The following CSNK1G1 variants were observed in gnomAD, a reference collection of about 807,000 sequenced individuals.
CSNK1G1 encodes casein kinase I isoform gamma-1.
CSNK1G1 carries 22 observed loss-of-function variants against 59.6 expected under a neutral mutation model. That is an observed-to-expected ratio of 0.37 (90% CI 0.26 to 0.53). The LOEUF is 0.53. Among genes scored for constraint, CSNK1G1 ranks in the 20% least tolerant of loss-of-function variants. The pLI is 0.89. For missense variants in CSNK1G1, 384 were observed against 519.5 expected (o/e 0.74, Z 2.54); for synonymous variants, 179 against 177.1 (o/e 1.01, Z -0.08).
intron 2 of CSNK1G1, among the ~76,000 whole-genome samples, chr15:64,266,847 A>G (rs1893014936): frequency 6.6e-6 from 1 of 152,212 alleles, no homozygotes; most frequent in Admixed American, 6.5e-5. Context: ...CTCTCACCTT[A>G]TGCAAAAATC....
intron 4 of CSNK1G1, among the ~76,000 whole-genome samples, chr15:64,229,902 A>ATTTTTT (rs533868270): frequency 0.026 from 1,130 of 43,756 alleles, 346 homozygotes; most frequent in East Asian, 0.064. Flanking sequence ...ATGTTTGTAA[A>ATTTTTT]TTTTTTTTTT....
rs10631811 is a variant in CSNK1G1, at chr15:64,193,491, C to CAA, written c.1107+9589_1107+9590dup. On this transcript the variant is annotated intron_variant, in intron 10 of 11. Transcript: ENST00000303052. ...TGGGCAACAGAGTGAGACTCTGTCT[C>CAA]AAAAAAAAAAAAGTATATACTTGAA... Among the ~76,000 whole-genome samples the CAA allele has an allele frequency of 5.3e-5, 7 of 131,960 alleles. 1 individual carries two copies. Among genetic ancestry groups the CAA allele is most frequent in the Admixed American group, 7.6e-5 (1 of 13,164 alleles). The allele number at this position is 131,960 out of a possible 152,430, so 86.6% of individuals were successfully genotyped here. A position where few individuals can be genotyped will look rare whatever the true frequency, so the allele number is the denominator to read the frequency against.
chr15:64,353,462 T>G (rs2016316), intron 1 of CSNK1G1, among the ~76,000 whole-genome samples: 1 of 151,940 alleles, frequency 6.6e-6, no homozygotes, highest in Admixed American at 6.6e-5. Context: ...CTGGCTAACA[T>G]GATGACACTT....
At chr15:64,305,721 C>A (rs796836278) in intron 1 of CSNK1G1, among the ~76,000 whole-genome samples, 2,000 of 103,710 alleles carry the variant, frequency 0.019, 28 homozygotes, top group African/African-American at 0.061. Context: ...AAAACAAAAA[C>A]AAAAAAAAAA....
chr15:64,226,534 G>A (rs1411150559), intron 4 of CSNK1G1, among the ~76,000 whole-genome samples: 1 of 150,004 alleles, frequency 6.7e-6, no homozygotes, highest in Non-Finnish European at 1.5e-5. Flanking sequence ...CCAGCCCAGT[G>A]ACAGAGCAAG....
At chr15:64,339,803 G>C (rs1897594598) in intron 1 of CSNK1G1, among the ~76,000 whole-genome samples, 1 of 152,186 alleles carries the variant, frequency 6.6e-6, no homozygotes, top group Non-Finnish European at 1.5e-5. Context: ...ATCAAGAGGA[G>C]TGACTGACAG....
At chr15:64,289,179 CAAA>C (rs111427455) in intron 2 of CSNK1G1, among the ~76,000 whole-genome samples, 3 of 109,016 alleles carry the variant, frequency 2.8e-5, no homozygotes, top group Admixed American at 1.0e-4. Flanking sequence ...GACTCTGTAT[CAAA>C]AAAAAAAAAA....
intron 4 of CSNK1G1, among the ~76,000 whole-genome samples, chr15:64,248,860 C>T (rs548765363): frequency 6.7e-6 from 1 of 149,452 alleles, no homozygotes; most frequent in South Asian, 2.1e-4. Context: ...GTGGCTCACG[C>T]CTGTAATCCC....
At chr15:64,239,956 G>A (rs1033426944) in intron 4 of CSNK1G1, among the ~76,000 whole-genome samples, 15 of 152,166 alleles carry the variant, frequency 9.9e-5, no homozygotes, top group African/African-American at 3.6e-4. Flanking sequence ...AAAATAAGGC[G>A]GGAGCAATGT....
At chr15:64,281,442 TAAAAATAAA>T (rs1894127933) in intron 2 of CSNK1G1, among the ~76,000 whole-genome samples, 2 of 151,862 alleles carry the variant, frequency 1.3e-5, no homozygotes, top group African/African-American at 4.8e-5. Flanking sequence ...TCCATCTCTA[TAAAAATAAA>T]AAAAATAAAA....
intron 2 of CSNK1G1, among the ~76,000 whole-genome samples, chr15:64,299,075 A>G (rs922138057): frequency 4.0e-5 from 6 of 151,728 alleles, no homozygotes; most frequent in African/African-American, 1.5e-4. Context: ...AACAAACATA[A>G]TTACATTATG....
intron 4 of CSNK1G1, 85 bp downstream of exon 4, chr15:64,251,427 G>A: frequency 2.1e-6 from 2 of 940,812 alleles, no homozygotes; most frequent in South Asian, 3.0e-5. Flanking sequence ...GGTAAAAAGG[G>A]CAAACCAGAC....
At chr15:64,293,511 T>C (rs1894852087) in intron 2 of CSNK1G1, among the ~76,000 whole-genome samples, 1 of 152,202 alleles carries the variant, frequency 6.6e-6, no homozygotes, top group Non-Finnish European at 1.5e-5. Flanking sequence ...AAGTGAAACA[T>C]CTTTTTGGAG....
Position 64,200,376 on chromosome 15 carries a change from T to A in CSNK1G1, c.1107+2706A>T, listed in dbSNP as rs891878736. Among the ~76,000 whole-genome samples, 2 of 152,136 alleles carry A rather than the reference T, an allele frequency of 1.3e-5. No individual in the cohort carries two copies. Among genetic ancestry groups the A allele is most frequent in the Non-Finnish European group, 2.9e-5 (2 of 68,010 alleles). ...TTCTCTCTTGTTGCCCAGGCTGGAG[T>A]GCAGTGGTGCCCAGGCTGGGGTGTA... is the stretch of plus-strand genomic sequence containing the variant. On this transcript the variant is annotated intron_variant, in intron 10 of 11. Coordinates refer to ENST00000303052, the MANE Select transcript of CSNK1G1 (RefSeq NM_022048.5). This position sits in a 1 kb window ranked among gnomAD's most constrained non-coding sequence, Gnocchi z 4.3.
intron 11 of CSNK1G1, 24 bp downstream of exon 11, chr15:64,180,324 A>T: frequency 6.4e-7 from 1 of 1,563,282 alleles, no homozygotes. Flanking sequence ...ATGACTTAAG[A>T]GCCCCCTTGA....
At chr15:64,232,338 GC>G (rs2082561036) in intron 4 of CSNK1G1, among the ~76,000 whole-genome samples, 1 of 152,180 alleles carries the variant, frequency 6.6e-6, no homozygotes, top group African/African-American at 2.4e-5. Context: ...AAAGGGCTTA[GC>G]TAGCAGCTAG....
intron 5 of CSNK1G1, among the ~76,000 whole-genome samples, chr15:64,215,204 CTTTTTTTTTTTTT>C (rs11343127): frequency 1.2e-5 from 1 of 81,728 alleles, no homozygotes; most frequent in Non-Finnish European, 2.1e-5. Flanking sequence ...TTTCTACTAA[CTTTTTTTTTTTTT>C]TTTTTTTTTT....
chr15:64,324,700 G>T (rs1266225581), intron 1 of CSNK1G1, among the ~76,000 whole-genome samples: 1 of 152,144 alleles, frequency 6.6e-6, no homozygotes. Context: ...TCGGCTTAAT[G>T]AACTCCCCTT....
At chr15:64,180,490 A>G in intron 10 of CSNK1G1, 36 bp from the exon 11 acceptor site, 1 of 1,532,994 alleles carries the variant, frequency 6.5e-7, no homozygotes, top group Non-Finnish European at 9.0e-7. Context: ...GACAGGCACC[A>G]TGGCAACAGA....
Sources: gnomAD v4.1 joint callset for allele counts (sites outside exome capture counted in the v4.1 genomes callset) on GRCh38, gnomAD v4.1.1 for gene constraint, Gnocchi (gnomAD v3.1) non-coding constraint, MANE v1.5 for transcripts, NCBI Gene and HGNC (gene_info 2026-07-23, HGNC 2026-07-21) for gene names.